The following ARL14EPL variants were observed in gnomAD, a reference collection of about 807,000 sequenced individuals.
The protein encoded by ARL14EPL is ARF like GTPase 14 effector protein like.
Under a neutral mutation model 15.9 loss-of-function variants are expected in ARL14EPL, and 17 were observed. That is an observed-to-expected ratio of 1.07 (90% CI 0.73 to 1.60). ARL14EPL has a LOEUF of 1.60. ARL14EPL is among the 40% of genes most tolerant of loss of function. The probability of loss-of-function intolerance (pLI) is 0.00; values close to 1 mark genes in which losing one functional copy is unlikely to be tolerated. For synonymous variants in ARL14EPL, 78 were observed against 63.8 expected (o/e 1.22, Z -1.06); for missense variants, 214 against 185.9 (o/e 1.15, Z -0.88).
intron 1 of ARL14EPL, among the ~76,000 whole-genome samples, chr5:116,042,830 T>C (rs1264779692): frequency 6.6e-6 from 1 of 152,248 alleles, no homozygotes; most frequent in African/African-American, 2.4e-5. Context: ...AGAATTTTCT[T>C]ATAATCCTTC....
At chr5:116,033,021 G>A (rs1286241204) in intron 1 of ARL14EPL, among the ~76,000 whole-genome samples, 1 of 151,990 alleles carries the variant, frequency 6.6e-6, no homozygotes, top group Non-Finnish European at 1.5e-5. Flanking sequence ...CTGGTCTTGA[G>A]CTCCTGGGCT....
At chr5:116,047,571 A>G (rs1749296860) in intron 1 of ARL14EPL, among the ~76,000 whole-genome samples, 1 of 152,142 alleles carries the variant, frequency 6.6e-6, no homozygotes, top group Non-Finnish European at 1.5e-5. Flanking sequence ...ATGATTGGCC[A>G]GAGAATGTAT....
intron 1 of ARL14EPL, among the ~76,000 whole-genome samples, chr5:116,047,738 A>C (rs1749300270): frequency 6.6e-6 from 1 of 151,290 alleles, no homozygotes; most frequent in Non-Finnish European, 1.5e-5. Context: ...GGTAGGTCAG[A>C]TATTGATGAT....
chr5:116,047,186 A>C (rs937400152), intron 1 of ARL14EPL, among the ~76,000 whole-genome samples: 1 of 152,244 alleles, frequency 6.6e-6, no homozygotes, highest in African/African-American at 2.4e-5. Context: ...TTCAGAATCC[A>C]ATCCTGAAGT....
At chr5:116,042,695 TAG>T (rs149459560) in intron 1 of ARL14EPL, among the ~76,000 whole-genome samples, 8 of 152,288 alleles carry the variant, frequency 5.3e-5, no homozygotes, top group African/African-American at 1.9e-4. Context: ...AAGATAAAGC[TAG>T]AGAGTTTCCT....
intron 3 of ARL14EPL, among the ~76,000 whole-genome samples, chr5:116,056,230 T>C (rs1198238085): frequency 6.6e-6 from 1 of 151,968 alleles, no homozygotes; most frequent in African/African-American, 2.4e-5. Context: ...CACACTGACT[T>C]CCACAAGGGT....
intron 2 of ARL14EPL, 138 bp downstream of exon 2, chr5:116,051,699 G>A: frequency 1.3e-6 from 1 of 782,028 alleles, no homozygotes; most frequent in Non-Finnish European, 2.0e-6. Flanking sequence ...CAGGCTGATA[G>A]AGCTTTCCCT....
intron 1 of ARL14EPL, among the ~76,000 whole-genome samples, chr5:116,044,493 A>G (rs576334184): frequency 7.5e-4 from 87 of 115,644 alleles, no homozygotes; most frequent in Middle Eastern, 4.8e-3. Context: ...GTGTGTATAT[A>G]TGTGTGTGTA....
At chr5:116,036,673 T>G (rs1202421422) in intron 1 of ARL14EPL, among the ~76,000 whole-genome samples, 1 of 152,194 alleles carries the variant, frequency 6.6e-6, no homozygotes, top group African/African-American at 2.4e-5. Context: ...TAAATAAACT[T>G]CATTTGCAAA....
At chr5:116,058,694 G>A in intron 3 of ARL14EPL, 31 bp from the exon 4 acceptor site, 1 of 1,523,548 alleles carries the variant, frequency 6.6e-7, no homozygotes, top group Non-Finnish European at 8.8e-7. Context: ...TGATTGCACT[G>A]TCATCTTAAT....
chr5:116,046,463 G>A (rs1241050621), intron 1 of ARL14EPL, among the ~76,000 whole-genome samples: 1 of 151,988 alleles, frequency 6.6e-6, no homozygotes, highest in Non-Finnish European at 1.5e-5. Flanking sequence ...CATTTTGCCT[G>A]GAGTGTCGCT....
intron 1 of ARL14EPL, among the ~76,000 whole-genome samples, chr5:116,041,283 T>A (rs1396827676): frequency 6.6e-6 from 1 of 152,192 alleles, no homozygotes; most frequent in East Asian, 1.9e-4. Context: ...TGAAGTATCA[T>A]ATAGAATACT....
intron 1 of ARL14EPL, among the ~76,000 whole-genome samples, chr5:116,044,529 C>T (rs1396494): frequency 0.022 from 3,332 of 151,874 alleles, 114 homozygotes; most frequent in African/African-American, 0.076. Flanking sequence ...ATATGTAGTG[C>T]TATTAGTGCT....
chr5:116,047,229 T>C (rs1749285067), intron 1 of ARL14EPL, among the ~76,000 whole-genome samples: 1 of 152,236 alleles, frequency 6.6e-6, no homozygotes, highest in African/African-American at 2.4e-5. Context: ...AACGGGAGGC[T>C]TTTCTTTCCT....
intron 3 of ARL14EPL, among the ~76,000 whole-genome samples, chr5:116,055,955 T>C (rs1749506939): frequency 6.6e-6 from 1 of 152,230 alleles, no homozygotes; most frequent in Non-Finnish European, 1.5e-5. Flanking sequence ...ACTTCATCCA[T>C]GTCCCTACAA....
intron 1 of ARL14EPL, among the ~76,000 whole-genome samples, chr5:116,045,764 G>GTGTGTGTGTGTGTGTGTGTGTGTGTGTA (rs1297509066): frequency 9.8e-6 from 1 of 101,624 alleles, no homozygotes; most frequent in African/African-American, 2.8e-5. Flanking sequence ...GTGTGTGTGT[G>GTGTGTGTGTGTGTGTGTGTGTGTGTGTA]TGTGTGTGTG....
chr5:116,053,643 C>A (rs1398747070), intron 2 of ARL14EPL, among the ~76,000 whole-genome samples: 1 of 152,116 alleles, frequency 6.6e-6, no homozygotes, highest in East Asian at 1.9e-4. Flanking sequence ...TAGCTAACAG[C>A]CGAGGAAGGG....
chr5:116,035,633 T>G (rs978766343), intron 1 of ARL14EPL, among the ~76,000 whole-genome samples: 1 of 152,194 alleles, frequency 6.6e-6, no homozygotes, highest in Non-Finnish European at 1.5e-5. Context: ...GTGGATTTAT[T>G]AGAACCTAGA....
At chr5:116,041,765 C>CTGAGTTTT (rs1271334639) in intron 1 of ARL14EPL, among the ~76,000 whole-genome samples, 1 of 152,162 alleles carries the variant, frequency 6.6e-6, no homozygotes. Flanking sequence ...CCCTCTTTAC[C>CTGAGTTTT]TGAGTTTTTC....
Sources: allele counts gnomAD v4.1 joint callset (sites outside exome capture counted in the v4.1 genomes callset), GRCh38; gene constraint gnomAD v4.1.1; transcripts MANE v1.5; gene names NCBI Gene and HGNC (gene_info 2026-07-23, HGNC 2026-07-21).